The following RPS6KC1 variants were observed in gnomAD, a reference collection of about 807,000 sequenced individuals.
The protein encoded by RPS6KC1 is inactive ribosomal protein S6 kinase delta-1.
A neutral mutation model predicts 103.8 loss-of-function variants in RPS6KC1; 54 were observed. The observed-to-expected ratio is 0.52, with a 90% confidence interval of 0.42 to 0.65. The LOEUF (loss-of-function observed/expected upper bound fraction) is 0.65, where lower values mean the gene tolerates loss of function less well. Ranked by LOEUF, RPS6KC1 falls within the 30% of genes least tolerant of loss-of-function variation. The pLI is 0.00. For synonymous variants in RPS6KC1, 439 were observed against 438.7 expected, an observed-to-expected ratio of 1.00 and a Z score of -0.01; for missense variants, 1,151 against 1,253.8, an observed-to-expected ratio of 0.92 and a Z score of 1.24.
chr1:213,053,921 C>T (rs1024363777), intron 1 of RPS6KC1, among the ~76,000 whole-genome samples: 14 of 151,956 alleles, frequency 9.2e-5, no homozygotes, highest in Admixed American at 7.2e-4. Context: ...ACAGTAACCT[C>T]GCCTCCTGGG....
the RPS6KC1 span, among the ~76,000 whole-genome samples, chr1:213,459,588 T>C: frequency 6.6e-6 from 1 of 152,178 alleles, no homozygotes. Context: ...CTCTATCTCC[T>C]TCAGTTCTGC....
intron 1 of RPS6KC1, among the ~76,000 whole-genome samples, chr1:213,055,557 T>C (rs1000279626): frequency 3.3e-5 from 5 of 152,230 alleles, no homozygotes; most frequent in Admixed American, 6.5e-5. Context: ...TATGGACATA[T>C]GGTTTTATTT....
chr1:213,516,045 G>T, the RPS6KC1 span, among the ~76,000 whole-genome samples: 1 of 152,270 alleles, frequency 6.6e-6, no homozygotes, highest in African/African-American at 2.4e-5. Context: ...TGTTATTGGT[G>T]TATAAGAATG....
chr1:213,221,928 T>A (rs1249213987), intron 8 of RPS6KC1, among the ~76,000 whole-genome samples: 1 of 152,202 alleles, frequency 6.6e-6, no homozygotes, highest in Non-Finnish European at 1.5e-5. Context: ...GTAGATTTGG[T>A]CTGTTTTCTT....
At chr1:213,331,491 T>G in the RPS6KC1 span, among the ~76,000 whole-genome samples, 29 of 152,322 alleles carry the variant, frequency 1.9e-4, no homozygotes. Flanking sequence ...GCCTGGCCAG[T>G]GCCGGTGCAG....
chr1:213,379,074 A>G, the RPS6KC1 span, among the ~76,000 whole-genome samples: 13 of 152,142 alleles, frequency 8.5e-5, no homozygotes, highest in Admixed American at 8.5e-4. Context: ...TTGTTGTCTA[A>G]CTTCAGGCAA....
At chr1:213,671,160 T>G in the RPS6KC1 span, among the ~76,000 whole-genome samples, 1 of 152,204 alleles carries the variant, frequency 6.6e-6, no homozygotes, top group Non-Finnish European at 1.5e-5. Context: ...TAGGTTATTG[T>G]AGTATACATA....
the RPS6KC1 span, among the ~76,000 whole-genome samples, chr1:213,280,239 G>T: frequency 6.6e-6 from 1 of 152,098 alleles, no homozygotes; most frequent in Non-Finnish European, 1.5e-5. Flanking sequence ...GCACTTGATG[G>T]GCAGTGGTTC....
chr1:213,582,408 T>C, the RPS6KC1 span, among the ~76,000 whole-genome samples: 1 of 152,138 alleles, frequency 6.6e-6, no homozygotes, highest in Non-Finnish European at 1.5e-5. Flanking sequence ...CTCTGACTAC[T>C]ATTTGTCAAA....
chr1:213,781,357 G>T, the RPS6KC1 span, among the ~76,000 whole-genome samples: 1 of 152,142 alleles, frequency 6.6e-6, no homozygotes, highest in Non-Finnish European at 1.5e-5. Context: ...ATTGAAGATG[G>T]AAACTCCAGG....
At chr1:213,661,021 G>A in the RPS6KC1 span, among the ~76,000 whole-genome samples, 1 of 152,122 alleles carries the variant, frequency 6.6e-6, no homozygotes, top group Non-Finnish European at 1.5e-5. Flanking sequence ...TTCCCGAGTT[G>A]TCTATTTCAG....
the RPS6KC1 span, among the ~76,000 whole-genome samples, chr1:213,685,629 CAAAAA>C: frequency 2.2e-4 from 21 of 95,696 alleles, no homozygotes; most frequent in African/African-American, 7.4e-4. Flanking sequence ...GACTCCATTT[CAAAAA>C]AAAAAAAAAA....
the RPS6KC1 span, among the ~76,000 whole-genome samples, chr1:213,351,871 G>A: frequency 2.0e-5 from 3 of 152,156 alleles, no homozygotes; most frequent in South Asian, 4.1e-4. Flanking sequence ...ATTTTCTTAG[G>A]GCTAAGTGAA....
the RPS6KC1 span, among the ~76,000 whole-genome samples, chr1:213,280,724 A>G: frequency 2.0e-5 from 3 of 152,182 alleles, no homozygotes; most frequent in Admixed American, 1.3e-4. Context: ...ACTTTAAATT[A>G]TGGATCTTTT....
chr1:213,111,695 C>T (rs1295700580), intron 4 of RPS6KC1, among the ~76,000 whole-genome samples: 4 of 152,032 alleles, frequency 2.6e-5, no homozygotes, highest in East Asian at 3.9e-4. Flanking sequence ...AAAATAATGT[C>T]TTAGTTAGAA....
the RPS6KC1 span, among the ~76,000 whole-genome samples, chr1:213,549,903 G>A: frequency 1.3e-5 from 2 of 151,866 alleles, no homozygotes; most frequent in Non-Finnish European, 2.9e-5. Context: ...ACAGAAGCAA[G>A]CACCACACCC....
the RPS6KC1 span, among the ~76,000 whole-genome samples, chr1:213,854,562 TTCTCTCTCTCTC>T: frequency 8.2e-6 from 1 of 122,550 alleles, no homozygotes; most frequent in Admixed American, 8.3e-5. Flanking sequence ...CTTTCTTTCT[TTCTCTCTCTCTC>T]TCTCTTTCTT....
chr1:213,702,525 G>A, the RPS6KC1 span, among the ~76,000 whole-genome samples: 18 of 151,880 alleles, frequency 1.2e-4, no homozygotes, highest in East Asian at 5.8e-4. Flanking sequence ...TTAAAGTCTC[G>A]AGCTATTATT....
chr1:213,633,512 AC>A, the RPS6KC1 span, among the ~76,000 whole-genome samples: 1 of 152,162 alleles, frequency 6.6e-6, no homozygotes, highest in Non-Finnish European at 1.5e-5. Flanking sequence ...AGATTTTGTC[AC>A]CACCAGGCCT....
Sources: gnomAD v4.1 joint callset for allele counts (sites outside exome capture counted in the v4.1 genomes callset) on GRCh38, gnomAD v4.1.1 for gene constraint, MANE v1.5 for transcripts, NCBI Gene and HGNC (gene_info 2026-07-23, HGNC 2026-07-21) for gene names.